Variants in NFATC2 observed in about 807,000 individuals in gnomAD.
NFATC2 encodes nuclear factor of activated T-cells, cytoplasmic 2.
In NFATC2, 22 loss-of-function variants were observed where a neutral mutation model predicts 87.3. The observed-to-expected ratio is 0.25, with a 90% CI of 0.18 to 0.36. NFATC2 has a LOEUF of 0.36. Among genes scored for constraint, NFATC2 ranks in the 10% least tolerant of loss-of-function variants. The pLI, the probability that NFATC2 is intolerant of heterozygous loss-of-function variation, is 1.00. For synonymous variants in NFATC2, 565 were observed against 542.2 expected, an observed-to-expected ratio of 1.04 and a Z score of -0.58; for missense variants, 1,149 against 1,259.1, an observed-to-expected ratio of 0.91 and a Z score of 1.32.
chr20:51,430,574 AC>A (rs1982558093), intron 9 of NFATC2, among the ~76,000 whole-genome samples: 1 of 152,156 alleles, frequency 6.6e-6, no homozygotes, highest in African/African-American at 2.4e-5. Context: ...GGGCAGGATG[AC>A]CCTACAAGAA....
At position 51,435,192 on chromosome 20, in the gene NFATC2, G is replaced by A. The variant is rs1384407010; in HGVS notation, c.2028C>T (p.His676=). ...KRSQPQHFTY[H]PVPAIKTEPT... ...GTCATCAGAAACACTCCTTACCTGG[G>A]TGGTAGGTAAAGTGCTGAGGCTGAC... The change falls in exon 8 of 11, where the codon CAC becomes CAT. Residue 676 remains histidine (H), a synonymous_variant. Transcript: ENST00000371564. 1.9e-6 allele frequency: 3 copies of A among 1,614,066 alleles called. No homozygotes were observed. The highest frequency in any genetic ancestry group is 8.5e-7 in the Non-Finnish European group (1 of 1,179,998).
chr20:51,429,074 A>T (rs534596240), intron 9 of NFATC2, among the ~76,000 whole-genome samples: 5 of 152,384 alleles, frequency 3.3e-5, no homozygotes, highest in Non-Finnish European at 7.3e-5. Flanking sequence ...ACAACACAGC[A>T]AACCAAGACG....
At chr20:51,547,843 A>G (rs888869999) in intron 1 of NFATC2, among the ~76,000 whole-genome samples, 2 of 151,960 alleles carry the variant, frequency 1.3e-5, no homozygotes, top group Non-Finnish European at 2.9e-5. Flanking sequence ...AAAGCCACCC[A>G]TTTCTCACTA....
chr20:51,426,250 G>A (rs1981814686), intron 9 of NFATC2, among the ~76,000 whole-genome samples: 1 of 152,214 alleles, frequency 6.6e-6, no homozygotes, highest in Admixed American at 6.5e-5. Flanking sequence ...AGGCCGAGGG[G>A]AATGGATCAC....
intron 9 of NFATC2, among the ~76,000 whole-genome samples, chr20:51,408,265 G>A (rs1181434265): frequency 1.3e-5 from 2 of 152,182 alleles, no homozygotes; most frequent in East Asian, 1.9e-4. Flanking sequence ...TGTAATCCCA[G>A]TACTTTGGGA....
intron 3 of NFATC2, among the ~76,000 whole-genome samples, chr20:51,501,202 A>T (rs1215950297): frequency 6.6e-6 from 1 of 152,112 alleles, no homozygotes; most frequent in East Asian, 1.9e-4. Context: ...ATGCGTCAGA[A>T]CACTGTCTTA....
chr20:51,454,945 T>C (rs1986245261), intron 5 of NFATC2, among the ~76,000 whole-genome samples: 1 of 152,204 alleles, frequency 6.6e-6, no homozygotes, highest in South Asian at 2.1e-4. Context: ...AGAGGCCTGT[T>C]CTCCTTACAG....
At chr20:51,551,966 G>T (rs1049600889) in intron 1 of NFATC2, among the ~76,000 whole-genome samples, 23 of 151,976 alleles carry the variant, frequency 1.5e-4, no homozygotes, top group Admixed American at 4.6e-4. Context: ...GGTGGAGCTT[G>T]CAGTGAGCTG....
At chr20:51,522,601 A>T (rs1191299275) in intron 2 of NFATC2, among the ~76,000 whole-genome samples, 5 of 148,916 alleles carry the variant, frequency 3.4e-5, no homozygotes, top group Non-Finnish European at 7.4e-5. Context: ...TCCTCCATAT[A>T]ACTGCGGCAC....
chr20:51,502,773 T>C (rs372053143), intron 3 of NFATC2, among the ~76,000 whole-genome samples: 1 of 152,226 alleles, frequency 6.6e-6, no homozygotes, highest in Non-Finnish European at 1.5e-5. Context: ...ATTCACCTGA[T>C]ACAGGTTCCA....
intron 5 of NFATC2, among the ~76,000 whole-genome samples, chr20:51,468,232 T>C (rs1308749233): frequency 6.6e-6 from 1 of 152,144 alleles, no homozygotes; most frequent in African/African-American, 2.4e-5. Context: ...CTGTCTTGAG[T>C]GGTGGTTACG....
intron 5 of NFATC2, among the ~76,000 whole-genome samples, chr20:51,465,495 C>T (rs963995235): frequency 3.3e-5 from 5 of 152,110 alleles, no homozygotes; most frequent in Admixed American, 6.5e-5. Context: ...ACCTCACCTC[C>T]GACCCCTCAC....
In NFATC2 at chr20:51,558,386, A is replaced by G. The variant is rs577170276; in HGVS notation, c.70+4174T>C. Among the ~76,000 whole-genome samples the G allele has an allele frequency of 3.9e-5, 6 of 152,302 alleles. 1 individual carries two copies. In the Middle Eastern group the frequency reaches 0.014, roughly 345 times the overall value. On this transcript the variant is annotated intron_variant, in intron 1 of 10. Coordinates refer to the NFATC2 transcript ENST00000414705. ...CTTGACCGGCTTCTTCCAGTCAGGAAGTATAAATAATCAGTCATTTACATA... is the reference window on the plus strand; with the variant it reads ...CTTGACCGGCTTCTTCCAGTCAGGAGGTATAAATAATCAGTCATTTACATA...
chr20:51,540,658 G>GTTTTTTTTTTTTTTTTTTTTTTTTTT (rs397864888), intron 1 of NFATC2, among the ~76,000 whole-genome samples: 6 of 110,050 alleles, frequency 5.5e-5, no homozygotes, highest in African/African-American at 1.9e-4. Context: ...TTTTTTTTTT[G>GTTTTTTTTTTTTTTTTTTTTTTTTTT]TTTTTTTTTT....
chr20:51,401,640 C>G (rs527276973), intron 9 of NFATC2, among the ~76,000 whole-genome samples: 17 of 152,276 alleles, frequency 1.1e-4, no homozygotes, highest in African/African-American at 4.1e-4. Flanking sequence ...CCCAAAGACA[C>G]AGGGGTACCT....
intron 5 of NFATC2, among the ~76,000 whole-genome samples, chr20:51,466,587 C>T (rs1164789166): frequency 6.6e-6 from 1 of 152,032 alleles, no homozygotes; most frequent in East Asian, 1.9e-4. Context: ...ACACAAAAAC[C>T]AACCTGCACG....
intron 1 of NFATC2, among the ~76,000 whole-genome samples, chr20:51,540,889 C>T (rs7272453): frequency 0.047 from 7,188 of 152,018 alleles, 507 homozygotes; most frequent in African/African-American, 0.15. Context: ...AAAAACATGA[C>T]TTTAATCTTA....
intron 1 of NFATC2, among the ~76,000 whole-genome samples, chr20:51,525,306 G>A (rs1466668384): frequency 6.6e-6 from 1 of 152,086 alleles, no homozygotes; most frequent in South Asian, 2.1e-4. Context: ...TGCCTAGCCC[G>A]GGCTCCTGCT....
intron 9 of NFATC2, among the ~76,000 whole-genome samples, chr20:51,408,227 A>G (rs1978627067): frequency 6.6e-6 from 1 of 152,076 alleles, no homozygotes; most frequent in African/African-American, 2.4e-5. Context: ...TAAAAATTCA[A>G]TACTGGCCAG....
Sources: gnomAD v4.1 joint callset for allele counts (sites outside exome capture counted in the v4.1 genomes callset) on GRCh38, gnomAD v4.1.1 for gene constraint, MANE v1.5 for transcripts, NCBI Gene and HGNC (gene_info 2026-07-23, HGNC 2026-07-21) for gene names.